The following DLG2 variants were observed in gnomAD, a reference collection of about 807,000 sequenced individuals.
The protein encoded by DLG2 is disks large homolog 2.
DLG2 carries 45 observed loss-of-function variants against 132.5 expected under a neutral mutation model. The ratio of observed to expected loss-of-function variants is 0.34; its 90% confidence interval spans 0.27 to 0.44. The LOEUF is 0.44. Ranked by LOEUF, DLG2 falls within the 20% of genes least tolerant of loss-of-function variation. The pLI is 1.00. For missense variants in DLG2, 1,045 were observed against 1,196.9 expected (o/e 0.87, Z 1.87); for synonymous variants, 424 against 419.6 (o/e 1.01, Z -0.13).
intron 2 of DLG2, among the ~76,000 whole-genome samples, chr11:85,612,270 C>T (rs1439381419): frequency 6.6e-6 from 1 of 152,236 alleles, no homozygotes; most frequent in Non-Finnish European, 1.5e-5. Flanking sequence ...AAATCCTTAA[C>T]CCAGCAGGTT....
chr11:84,413,378 A>T (rs976294952), intron 7 of DLG2, among the ~76,000 whole-genome samples: 1 of 152,200 alleles, frequency 6.6e-6, no homozygotes, highest in African/African-American at 2.4e-5. Flanking sequence ...TTCCCAAGGA[A>T]AGAGGAGGCA....
intron 21 of DLG2, among the ~76,000 whole-genome samples, chr11:83,526,627 C>A (rs2095616440): frequency 6.6e-6 from 1 of 152,122 alleles, no homozygotes; most frequent in Non-Finnish European, 1.5e-5. Flanking sequence ...CCTTAAAATT[C>A]TTTATTGCTT....
chr11:84,238,533 A>T (rs1439329985), intron 8 of DLG2, among the ~76,000 whole-genome samples: 3 of 145,204 alleles, frequency 2.1e-5, no homozygotes, highest in Admixed American at 6.9e-5. Context: ...AAAGAAAAAG[A>T]AAAAAAAAAA....
intron 3 of DLG2, among the ~76,000 whole-genome samples, chr11:85,541,781 C>G (rs933969588): frequency 6.6e-6 from 1 of 152,132 alleles, no homozygotes; most frequent in African/African-American, 2.4e-5. Context: ...CCTTTTTACT[C>G]CTCTGCCTCC....
intron 6 of DLG2, among the ~76,000 whole-genome samples, chr11:85,057,605 C>T (rs2063587914): frequency 1.3e-5 from 2 of 151,460 alleles, no homozygotes; most frequent in African/African-American, 4.8e-5. Context: ...TAATCTAAAA[C>T]AAACTCTTCC....
At chr11:83,477,794 C>T (rs2092738361) in intron 22 of DLG2, among the ~76,000 whole-genome samples, 1 of 151,962 alleles carries the variant, frequency 6.6e-6, no homozygotes, top group Admixed American at 6.6e-5. Context: ...CAGCAAAAGC[C>T]AGGAATGCAC....
chr11:83,736,893 C>T (rs2091969797), intron 18 of DLG2, among the ~76,000 whole-genome samples: 1 of 152,148 alleles, frequency 6.6e-6, no homozygotes. Flanking sequence ...TGGCAGTGTT[C>T]AGTTTACTGA....
In DLG2 at chr11:84,510,094, C is replaced by CTTATTATTATTA. The variant is rs10680572; in HGVS notation, c.519+24464_519+24475dup. On this transcript the variant is annotated intron_variant, in intron 7 of 27. Coordinates refer to ENST00000376104, the MANE Select transcript of DLG2 (RefSeq NM_001142699.3). Reference sequence around the variant, plus strand: ...ACAATCAGAAAGTAGTAAGAGTTCACTTATTATTATTATTATTATTATTAT... The same window carrying CTTATTATTATTA: ...ACAATCAGAAAGTAGTAAGAGTTCACTTATTATTATTATTATTATTATTATTATTATTATTAT... Among the ~76,000 whole-genome samples, 1,117 of 146,574 alleles carry CTTATTATTATTA rather than the reference C, an allele frequency of 7.6e-3. 5 individuals carry two copies. Among genetic ancestry groups the CTTATTATTATTA allele is most frequent in the East Asian group, 0.042 (213 of 5,038 alleles).
chr11:85,586,688 T>G (rs2078993379), intron 3 of DLG2, among the ~76,000 whole-genome samples: 1 of 152,160 alleles, frequency 6.6e-6, no homozygotes, highest in Admixed American at 6.5e-5. Flanking sequence ...TTTTTTGTTT[T>G]GATTTCATTT....
chr11:84,997,685 CTT>C (rs968220819), intron 6 of DLG2: 2 of 152,192 alleles, frequency 1.3e-5, no homozygotes, highest in African/African-American at 2.4e-5. Context: ...ATGTTGTTCT[CTT>C]GTGTTTGTCC....
intron 3 of DLG2, among the ~76,000 whole-genome samples, chr11:85,423,014 C>T (rs1189614939): frequency 6.6e-6 from 1 of 151,672 alleles, no homozygotes; most frequent in Non-Finnish European, 1.5e-5. Flanking sequence ...TGTTAAAGAA[C>T]CTTGTTTTGT....
chr11:85,203,277 A>T (rs943465679), intron 4 of DLG2, among the ~76,000 whole-genome samples: 4 of 151,644 alleles, frequency 2.6e-5, no homozygotes, highest in African/African-American at 9.7e-5. Context: ...AAATTAACAA[A>T]CCTGTAGCTA....
At chr11:85,158,769 C>T (rs866693524) in intron 4 of DLG2, among the ~76,000 whole-genome samples, 1 of 152,168 alleles carries the variant, frequency 6.6e-6, no homozygotes, top group African/African-American at 2.4e-5. Context: ...AATAGTCTGA[C>T]TCGTGTAGAG....
intron 6 of DLG2, among the ~76,000 whole-genome samples, chr11:84,727,581 C>G (rs1330028644): frequency 6.6e-6 from 1 of 152,006 alleles, no homozygotes; most frequent in Non-Finnish European, 1.5e-5. Flanking sequence ...TTTGCAGGCT[C>G]TTTTTTGGTT....
intron 6 of DLG2, among the ~76,000 whole-genome samples, chr11:84,928,710 A>C (rs937957972): frequency 1.3e-5 from 2 of 151,628 alleles, no homozygotes; most frequent in Non-Finnish European, 3.0e-5. Context: ...CTATTATTGG[A>C]ATTTCTTGCA....
At chr11:84,076,203 G>C (rs1160381189) in intron 10 of DLG2, among the ~76,000 whole-genome samples, 1 of 152,066 alleles carries the variant, frequency 6.6e-6, no homozygotes, top group Non-Finnish European at 1.5e-5. Flanking sequence ...AGTCTATGAG[G>C]GACACTTACA....
At chr11:84,896,461 T>C (rs2090196430) in intron 6 of DLG2, among the ~76,000 whole-genome samples, 1 of 152,072 alleles carries the variant, frequency 6.6e-6, no homozygotes, top group Admixed American at 6.6e-5. Flanking sequence ...AACACATCTT[T>C]GATAAGAGAA....
chr11:84,004,745 A>AAAAC lies in DLG2; in HGVS notation c.920-24107_920-24104dup, dbSNP rs1247586686. ...AAGAAAGGGAAAGATCTCTACAAGG[A>AAAAC]AAACTACAAAACACTGATGAAAGAA... On this transcript the variant is annotated intron_variant, in intron 11 of 27. Coordinates refer to ENST00000376104, the MANE Select transcript of DLG2 (RefSeq NM_001142699.3). 2.0e-5 allele frequency among the ~76,000 whole-genome samples: 3 copies of AAAAC among 152,158 alleles called. No homozygotes were observed. In the East Asian group the frequency reaches 5.8e-4, roughly 29 times the overall value.
At chr11:84,488,094 C>T (rs1458247200) in intron 7 of DLG2, among the ~76,000 whole-genome samples, 1 of 152,052 alleles carries the variant, frequency 6.6e-6, no homozygotes, top group Non-Finnish European at 1.5e-5. Context: ...AAGAAACTTC[C>T]AGCATTGCCC....
Sources: allele counts gnomAD v4.1 joint callset (sites outside exome capture counted in the v4.1 genomes callset), GRCh38; gene constraint gnomAD v4.1.1; transcripts MANE v1.5; gene names NCBI Gene and HGNC (gene_info 2026-07-23, HGNC 2026-07-21).